The following ERBB4 variants were observed in gnomAD, a reference collection of about 807,000 sequenced individuals.
The protein encoded by ERBB4 is erb-b2 receptor tyrosine kinase 4, also known as receptor tyrosine-protein kinase erbB-4.
ERBB4 carries 42 observed loss-of-function variants against 158.0 expected under a neutral mutation model. The observed-to-expected ratio is 0.27, with a 90% CI of 0.21 to 0.34. The LOEUF is 0.34. ERBB4 is among the 10% of genes least tolerant of loss of function. The pLI is 1.00. For synonymous variants in ERBB4, 583 were observed against 558.7 expected (o/e 1.04, Z -0.61); for missense variants, 1,333 against 1,624.1 (o/e 0.82, Z 3.08).
intron 20 of ERBB4, among the ~76,000 whole-genome samples, chr2:211,531,213 T>C (rs2066490837): frequency 6.6e-6 from 1 of 152,092 alleles, no homozygotes; most frequent in Non-Finnish European, 1.5e-5. Context: ...ATGAAACTAT[T>C]AAAATAAAAC....
At chr2:211,944,441 A>G (rs2080621863) in intron 3 of ERBB4, among the ~76,000 whole-genome samples, 1 of 151,148 alleles carries the variant, frequency 6.6e-6, no homozygotes, top group Non-Finnish European at 1.5e-5. Flanking sequence ...TTATAGAAAA[A>G]CTTTATTCCC....
At chr2:211,845,548 C>A (rs1326652787) in intron 3 of ERBB4, among the ~76,000 whole-genome samples, 1 of 152,138 alleles carries the variant, frequency 6.6e-6, no homozygotes, top group Non-Finnish European at 1.5e-5. Context: ...CACTAGCTCA[C>A]CAGATTGCCT....
At chr2:212,064,678 G>A (rs188853973) in intron 2 of ERBB4, among the ~76,000 whole-genome samples, 9 of 152,012 alleles carry the variant, frequency 5.9e-5, no homozygotes, top group East Asian at 1.9e-4. Flanking sequence ...GTTTACTTTC[G>A]CAAACTAGAG....
chr2:212,401,459 C>T (rs938501070), intron 1 of ERBB4, among the ~76,000 whole-genome samples: 1 of 152,022 alleles, frequency 6.6e-6, no homozygotes, highest in Non-Finnish European at 1.5e-5. Context: ...ATTTGAAATA[C>T]AAGTGCTTTG....
chr2:212,199,892 A>T (rs1314075475), intron 1 of ERBB4, among the ~76,000 whole-genome samples: 1 of 152,080 alleles, frequency 6.6e-6, no homozygotes, highest in African/African-American at 2.4e-5. Context: ...GAGTCAGGCC[A>T]GTGAAGTATG....
At chr2:212,427,682 GT>G (rs1481054656) in intron 1 of ERBB4, among the ~76,000 whole-genome samples, 1 of 152,142 alleles carries the variant, frequency 6.6e-6, no homozygotes, top group African/African-American at 2.4e-5. Context: ...AATAATTTGA[GT>G]AGTTAGAGAA....
At chr2:211,594,604 A>C (rs1043691493) in intron 19 of ERBB4, among the ~76,000 whole-genome samples, 2 of 152,146 alleles carry the variant, frequency 1.3e-5, no homozygotes, top group African/African-American at 4.8e-5. Context: ...TAAATTAGAG[A>C]GAAAGTAAAC....
At chr2:211,416,619 A>T (rs930030205) in intron 25 of ERBB4, among the ~76,000 whole-genome samples, 2 of 152,210 alleles carry the variant, frequency 1.3e-5, no homozygotes, top group African/African-American at 4.8e-5. Context: ...CTACACAATT[A>T]CTTGTATAAC....
chr2:211,808,807 G>A (rs1305851118), intron 3 of ERBB4, among the ~76,000 whole-genome samples: 1 of 152,080 alleles, frequency 6.6e-6, no homozygotes, highest in East Asian at 1.9e-4. Flanking sequence ...ATTTCATTGA[G>A]CAGTGGTTTG....
chr2:211,478,947 G>C (rs1035517000), intron 20 of ERBB4, among the ~76,000 whole-genome samples: 7 of 151,968 alleles, frequency 4.6e-5, no homozygotes, highest in Non-Finnish European at 8.8e-5. Context: ...CTACATCCTC[G>C]GTTTCGTCTC....
intron 1 of ERBB4, among the ~76,000 whole-genome samples, chr2:212,308,212 C>T (rs1003914732): frequency 1.3e-5 from 2 of 151,132 alleles, no homozygotes; most frequent in African/African-American, 4.8e-5. Context: ...TAAATATTAA[C>T]TGAATCTGAA....
intron 1 of ERBB4, among the ~76,000 whole-genome samples, chr2:212,208,335 C>A (rs2082827648): frequency 6.6e-6 from 1 of 152,086 alleles, no homozygotes; most frequent in Non-Finnish European, 1.5e-5. Flanking sequence ...AAAATTTCAA[C>A]CCATATCCTT....
rs147188556 is a variant in ERBB4, at chr2:211,684,392, A to G, written c.1490-5208T>C. On this transcript the variant is annotated intron_variant, in intron 12 of 27. Coordinates refer to ENST00000342788, the MANE Select transcript of ERBB4 (RefSeq NM_005235.3). Reference sequence around the variant, plus strand: ...CTTGAAACCGGGAGGTGGAGGTTTCAGTGAGCCAAGATTGCACCATTGCAC... The same window carrying G: ...CTTGAAACCGGGAGGTGGAGGTTTCGGTGAGCCAAGATTGCACCATTGCAC... Among the ~76,000 whole-genome samples the G allele has an allele frequency of 4.3e-3, 649 of 152,322 alleles. 5 individuals are homozygous for G. The highest frequency in any genetic ancestry group is 0.015 in the African/African-American group (614 of 41,576).
chr2:211,750,793 C>T, intron 4 of ERBB4, 89 bp from the exon 5 acceptor site: 1 of 1,078,082 alleles, frequency 9.3e-7, no homozygotes, highest in Non-Finnish European at 1.4e-6. Context: ...AATACTCCTG[C>T]TCCTTTATGA....
chr2:212,229,213 G>A (rs1280501688), intron 1 of ERBB4, among the ~76,000 whole-genome samples: 1 of 152,178 alleles, frequency 6.6e-6, no homozygotes, highest in Non-Finnish European at 1.5e-5. Context: ...AGTTAGAAGA[G>A]AGGGAAACAG....
intron 16 of ERBB4, among the ~76,000 whole-genome samples, chr2:211,653,486 C>CG (rs915748548): frequency 6.7e-6 from 1 of 148,470 alleles, no homozygotes; most frequent in Non-Finnish European, 1.5e-5. Flanking sequence ...CGCCCCCCCC[C>CG]ACGCCCGCCC....
In ERBB4 at chr2:211,383,698, G is replaced by A. The variant is rs771634130; in HGVS notation, c.3844C>T (p.Pro1282Ser). 1 of 1,613,996 alleles carries A rather than the reference G, an allele frequency of 6.2e-7. No individual in the cohort carries two copies. The highest frequency in any genetic ancestry group is 8.5e-7 in the Non-Finnish European group (1 of 1,179,954). ...GRIRPIVAEN[P>S]EYLSEFSLKP... The stretch of plus-strand genomic sequence containing the variant: ...AGGGAGAACTCAGAGAGGTATTCAG[G>A]ATTCTCTGCCACAATAGGCCGGATC... The change falls in exon 28 of 28, where the codon CCT becomes TCT. Residue 1282 changes from proline to serine, a missense_variant. By Grantham distance (74) the Pro-to-Ser change is moderately conservative. Coordinates refer to ENST00000342788, the MANE Select transcript of ERBB4 (RefSeq NM_005235.3).
At chr2:211,828,341 A>G (rs1401085828) in intron 3 of ERBB4, among the ~76,000 whole-genome samples, 3 of 152,120 alleles carry the variant, frequency 2.0e-5, no homozygotes, top group Non-Finnish European at 4.4e-5. Flanking sequence ...ACCAGAAGAA[A>G]AATAAACCCA....
intron 19 of ERBB4, among the ~76,000 whole-genome samples, chr2:211,595,611 G>T (rs1264330276): frequency 6.6e-6 from 1 of 152,098 alleles, no homozygotes; most frequent in Non-Finnish European, 1.5e-5. Flanking sequence ...GATGTTATTA[G>T]ACTACTACTA....
Sources: allele counts gnomAD v4.1 joint callset (sites outside exome capture counted in the v4.1 genomes callset), GRCh38; gene constraint gnomAD v4.1.1; transcripts MANE v1.5; gene names NCBI Gene and HGNC (gene_info 2026-07-23, HGNC 2026-07-21).